The following BMPR1A variants were observed in gnomAD, a reference collection of about 807,000 sequenced individuals.
The protein encoded by BMPR1A is bone morphogenetic protein receptor type 1A, also known as bone morphogenetic protein receptor type-1A.
A neutral mutation model predicts 66.0 loss-of-function variants in BMPR1A; 7 were observed. The ratio of observed to expected loss-of-function variants is 0.11; its 90% CI spans 0.06 to 0.20. BMPR1A has a LOEUF of 0.20. BMPR1A is among the 10% of genes least tolerant of loss of function. BMPR1A has a pLI of 1.00. For missense variants in BMPR1A, 408 were observed against 669.1 expected (o/e 0.61, Z 4.31); for synonymous variants, 200 against 229.7 (o/e 0.87, Z 1.17).
Position 86,923,684 on chromosome 10 carries a change from G to A in BMPR1A, c.1564G>A (p.Ala522Thr). 6.2e-7 allele frequency: 1 copy of A among 1,614,126 alleles called. No individual in the cohort carries two copies. Among genetic ancestry groups the A allele is most frequent in the Non-Finnish European group, 8.5e-7 (1 of 1,180,042 alleles). The change falls in exon 13 of 13, where the codon GCC (alanine) becomes ACC (threonine). Residue 522 changes from alanine (A) to threonine (T), a missense_variant. Physicochemically the swap from Ala to Thr is moderately conservative, Grantham distance 58. Around this residue, in one of 5 missense-constraint regions of BMPR1A, gnomAD observed 130 missense variants for 257.3 expected, o/e 0.51. Transcript: ENST00000372037. The stretch of plus-strand genomic sequence containing the variant: ...AGCATTGAGAATTAAGAAGACGCTT[G>A]CCAAGATGGTTGAATCCCAAGATGT... Reference protein sequence around the residue: ...LTALRIKKTLAKMVESQDVKI With the variant: ...LTALRIKKTLTKMVESQDVKI
intron 1 of BMPR1A, among the ~76,000 whole-genome samples, chr10:86,757,954 A>G (rs1847905479): frequency 1.3e-5 from 2 of 152,166 alleles, no homozygotes; most frequent in Admixed American, 6.5e-5. Context: ...AATTATCGCT[A>G]TTTTGTTGCT....
chr10:86,922,820 T>G (rs558596679), intron 11 of BMPR1A, among the ~76,000 whole-genome samples: 1 of 152,374 alleles, frequency 6.6e-6, no homozygotes, highest in Non-Finnish European at 1.5e-5. Context: ...CCACATTGTT[T>G]GCACAAGCAG....
chr10:86,767,632 C>T lies in BMPR1A; in HGVS notation c.-268+10713C>T, dbSNP rs536289182. ...GTTCGAGACTGCAGTGAGCCATGAT[C>T]TTACACTGCACTCCAGCCTGAGTGA... On this transcript the variant is annotated intron_variant, in intron 1 of 12. Coordinates refer to ENST00000372037, the MANE Select transcript of BMPR1A (RefSeq NM_004329.3). Among the ~76,000 whole-genome samples the T allele has an allele frequency of 3.9e-5, 6 of 152,264 alleles. No homozygotes were observed. The South Asian group carries it at 1.2e-3, about 32-fold the overall frequency.
chr10:86,879,208 A>G (rs1842957038), intron 3 of BMPR1A, among the ~76,000 whole-genome samples: 1 of 152,194 alleles, frequency 6.6e-6, no homozygotes, highest in African/African-American at 2.4e-5. Context: ...GAGACTAGAC[A>G]TCACATGCAG....
At chr10:86,832,735 ATG>A (rs570322886) in intron 1 of BMPR1A, among the ~76,000 whole-genome samples, 534 of 152,230 alleles carry the variant, frequency 3.5e-3, no homozygotes, top group Non-Finnish European at 5.9e-3. Flanking sequence ...GTATGCTGTA[ATG>A]TGTATCAGTA....
At chr10:86,813,938 C>A (rs541015300) in intron 1 of BMPR1A, among the ~76,000 whole-genome samples, 2 of 152,198 alleles carry the variant, frequency 1.3e-5, no homozygotes, top group African/African-American at 4.8e-5. Context: ...TTCTACTGGC[C>A]ATAAAATTCT....
intron 1 of BMPR1A, among the ~76,000 whole-genome samples, chr10:86,808,578 C>T (rs1479489817): frequency 1.3e-5 from 2 of 152,186 alleles, no homozygotes; most frequent in East Asian, 1.9e-4. Flanking sequence ...CCTAGTTCTC[C>T]ACTCATTGAC....
At chr10:86,931,298 C>CACACACACACACATATATATATAT, downstream of BMPR1A, 2 of 90,924 alleles carry the variant, frequency 2.2e-5, no homozygotes, top group African/African-American at 1.4e-4. Flanking sequence ...CACACACACA[C>CACACACACACACATATATATATAT]ATATATATAT....
At chr10:86,772,933 GTA>G (rs1430963015) in intron 1 of BMPR1A, among the ~76,000 whole-genome samples, 3 of 152,008 alleles carry the variant, frequency 2.0e-5, no homozygotes, top group Non-Finnish European at 4.4e-5. Flanking sequence ...AAACATTTTG[GTA>G]TATATACTGT....
At chr10:86,832,440 T>A (rs967824380) in intron 1 of BMPR1A, among the ~76,000 whole-genome samples, 1 of 146,860 alleles carries the variant, frequency 6.8e-6, no homozygotes, top group African/African-American at 2.5e-5. Context: ...CACTCCAGCC[T>A]GGGCGACAAG....
At position 86,912,295 on chromosome 10, in the gene BMPR1A, G is replaced by A. The variant is rs1843502787; in HGVS notation, c.586G>A (p.Asp196Asn). 6.2e-7 allele frequency: 1 copy of A among 1,613,970 alleles called. No individual in the cohort carries two copies. Among genetic ancestry groups the A allele is most frequent in the Non-Finnish European group, 8.5e-7 (1 of 1,179,942 alleles). ...TCGTTACAATCGTGATTTGGAACAG[G>A]ATGAAGCATTTATTCCAGTTGGAGA... ...RRRYNRDLEQ[D>N]EAFIPVGESL... Residue 196 changes from aspartate (D) to asparagine (N), a missense_variant, in exon 8 of 13, where the codon GAT becomes AAT. By Grantham distance (23) the Asp-to-Asn change is conservative. Coordinates refer to ENST00000372037, the MANE Select transcript of BMPR1A (RefSeq NM_004329.3).
intron 5 of BMPR1A, among the ~76,000 whole-genome samples, chr10:86,892,880 AAT>A (rs1554888401): frequency 1.3e-5 from 2 of 151,272 alleles, no homozygotes; most frequent in Admixed American, 1.3e-4. Context: ...AAAAAAAAAA[AAT>A]TCTTTTTTCT....
chr10:86,843,245 T>G (rs1422453581), intron 2 of BMPR1A, among the ~76,000 whole-genome samples: 1 of 152,190 alleles, frequency 6.6e-6, no homozygotes, highest in Non-Finnish European at 1.5e-5. Context: ...TCTTGGCATA[T>G]TTTTGGCCCT....
chr10:86,855,667 G>T (rs151019437), intron 2 of BMPR1A: 3 of 693,846 alleles, frequency 4.3e-6, no homozygotes, highest in Non-Finnish European at 7.8e-6. Context: ...TATCTAATTT[G>T]CAATTGCCTA....
Position 86,923,698 on chromosome 10 carries a change from A to G in BMPR1A, c.1578A>G (p.Glu526=), listed in dbSNP as rs202030576. ...AGAAGACGCTTGCCAAGATGGTTGA[A>G]TCCCAAGATGTAAAAATCTGATGGT... is the stretch of plus-strand genomic sequence containing the variant. ...RIKKTLAKMV[E]SQDVKI Residue 526 remains glutamate, a synonymous_variant, in exon 13 of 13, where the codon GAA becomes GAG. Transcript: ENST00000372037. 15 of 1,613,940 alleles carry G rather than the reference A, an allele frequency of 9.3e-6. No homozygotes were observed. In the East Asian group the frequency reaches 2.7e-4, roughly 29 times the overall value.
rs75039078 is a variant in BMPR1A at position 86,892,274 on chromosome 10, A to G, written c.333+45A>G. ...CCATGAGACAAAGAAGGGAGGGGCC[A>G]TATGAAAGCATCGATTTCCCCCAGG... is the stretch of plus-strand genomic sequence containing the variant. On this transcript the variant is annotated intron_variant, in intron 5 of 12. Coordinates refer to ENST00000372037, the MANE Select transcript of BMPR1A (RefSeq NM_004329.3). 1.9e-4 allele frequency: 286 copies of G among 1,475,556 alleles called. No homozygotes were observed. In the African/African-American group the frequency reaches 3.4e-3, roughly 18 times the overall value. The allele number at this position is 1,475,556 out of a possible 1,614,324, so 91.4% of individuals were successfully genotyped here.
In BMPR1A at chr10:86,926,960, C is replaced by G; in HGVS notation, c.*3241C>G. The G allele has an allele frequency of 5.3e-6, 1 of 189,572 alleles. No individual in the cohort carries two copies. 11.7% of individuals were successfully genotyped at this position (189,572 alleles called of 1,614,324 possible). The stretch of plus-strand genomic sequence containing the variant: ...ACTGTGCTTTTTACTGAACAAGTTT[C>G]TGATGTATAAAACTTGCATCTGATT... On this transcript the variant is annotated 3_prime_UTR_variant, in exon 13 of 13. Coordinates refer to ENST00000372037, the MANE Select transcript of BMPR1A (RefSeq NM_004329.3).
At chr10:86,847,742 T>C (rs1842507711) in intron 2 of BMPR1A, among the ~76,000 whole-genome samples, 2 of 151,730 alleles carry the variant, frequency 1.3e-5, no homozygotes, top group Admixed American at 1.3e-4. Flanking sequence ...CTATATAAAA[T>C]TTTAAACACT....
intron 5 of BMPR1A, among the ~76,000 whole-genome samples, chr10:86,899,447 G>C (rs1290342781): frequency 6.6e-6 from 1 of 152,164 alleles, no homozygotes; most frequent in African/African-American, 2.4e-5. Context: ...TTTGGACTAC[G>C]ACACCCTCCA....
Sources: gnomAD v4.1 joint callset for allele counts (sites outside exome capture counted in the v4.1 genomes callset) on GRCh38, gnomAD v4.1.1 for gene constraint, gnomAD v4.1.1 regional missense constraint, MANE v1.5 for transcripts, NCBI Gene and HGNC (gene_info 2026-07-23, HGNC 2026-07-21) for gene names.